GPC5: variants seen among roughly 807,000 people sequenced by gnomAD.
The protein encoded by GPC5 is glypican 5, also known as glypican-5.
In GPC5, 47 loss-of-function variants were observed where a neutral mutation model predicts 53.9. The ratio of observed to expected loss-of-function variants is 0.87; its 90% confidence interval spans 0.69 to 1.11. The LOEUF is 1.11. Among genes scored for constraint, GPC5 ranks in the 50% most tolerant of loss-of-function variants. The pLI, the probability that GPC5 is intolerant of heterozygous loss-of-function variation, is 0.00. For missense variants in GPC5, 748 were observed against 713.1 expected (o/e 1.05, Z -0.56); for synonymous variants, 286 against 263.3 (o/e 1.09, Z -0.84).
intron 3 of GPC5, among the ~76,000 whole-genome samples, chr13:91,706,115 A>G (rs2036098877): frequency 6.6e-6 from 1 of 151,676 alleles, no homozygotes; most frequent in African/African-American, 2.4e-5. Context: ...TCCTGACCTC[A>G]TGATCCGCCC....
intron 6 of GPC5, among the ~76,000 whole-genome samples, chr13:92,132,452 T>A (rs2041752056): frequency 6.6e-6 from 1 of 152,124 alleles, no homozygotes; most frequent in Non-Finnish European, 1.5e-5. Flanking sequence ...TCAAGGTAGT[T>A]TCCTCCAGAA....
intron 7 of GPC5, among the ~76,000 whole-genome samples, chr13:92,454,011 G>A (rs1432896739): frequency 1.3e-5 from 2 of 152,134 alleles, no homozygotes; most frequent in Admixed American, 1.3e-4. Flanking sequence ...TTCAGGGTCA[G>A]GGTCAGAAAT....
chr13:91,726,867 T>C (rs1479654104), intron 3 of GPC5, among the ~76,000 whole-genome samples: 1 of 152,220 alleles, frequency 6.6e-6, no homozygotes, highest in African/African-American at 2.4e-5. Context: ...AGCAGCGCTT[T>C]CCCTGCTTGG....
chr13:92,511,735 CCTT>C (rs1430490036), intron 7 of GPC5, among the ~76,000 whole-genome samples: 1 of 152,122 alleles, frequency 6.6e-6, no homozygotes, highest in East Asian at 1.9e-4. Flanking sequence ...ATAATTTTCT[CCTT>C]CTTCTGATAC....
intron 5 of GPC5, among the ~76,000 whole-genome samples, chr13:91,863,649 C>A (rs1488145172): frequency 2.6e-5 from 4 of 152,152 alleles, no homozygotes; most frequent in Non-Finnish European, 5.9e-5. Context: ...TGATTAAAGT[C>A]CATGCATCCT....
chr13:91,538,767 A>G lies in GPC5; in HGVS notation c.325+89845A>G, dbSNP rs145699088. ...TGGGCTGATTTTTTGTATTTTTAGT[A>G]GAGACCGGGTTTCACCATGTTAGCC... On this transcript the variant is annotated intron_variant, in intron 2 of 7. Transcript: ENST00000377067. Among the ~76,000 whole-genome samples, 1,036 of 151,802 alleles carry G rather than the reference A, an allele frequency of 6.8e-3. 6 individuals carry two copies. Among genetic ancestry groups the G allele is most frequent in the Middle Eastern group, 0.017 (5 of 292 alleles).
intron 6 of GPC5, among the ~76,000 whole-genome samples, chr13:91,985,610 T>A (rs1331723895): frequency 6.6e-6 from 1 of 152,182 alleles, no homozygotes; most frequent in African/African-American, 2.4e-5. Context: ...TTTATTCATT[T>A]TGTAGTTAAA....
At chr13:91,405,129 C>T (rs1877223280) in intron 1 of GPC5, among the ~76,000 whole-genome samples, 3 of 152,198 alleles carry the variant, frequency 2.0e-5, no homozygotes, top group Admixed American at 6.5e-5. Context: ...CTGAGGACAT[C>T]AAAGGCACAT....
intron 7 of GPC5, among the ~76,000 whole-genome samples, chr13:92,199,404 A>C (rs954990987): frequency 6.6e-6 from 1 of 152,220 alleles, no homozygotes; most frequent in Admixed American, 6.5e-5. Flanking sequence ...TAGACTTTTC[A>C]TTTAATTCCA....
chr13:91,570,447 A>T (rs375465327), intron 2 of GPC5, among the ~76,000 whole-genome samples: 1 of 152,172 alleles, frequency 6.6e-6, no homozygotes, highest in Non-Finnish European at 1.5e-5. Flanking sequence ...TTCCCAAAGC[A>T]CTTGTGTTCC....
At chr13:92,442,605 G>A (rs777376452) in intron 7 of GPC5, among the ~76,000 whole-genome samples, 3 of 151,982 alleles carry the variant, frequency 2.0e-5, no homozygotes, top group Non-Finnish European at 2.9e-5. Context: ...AGATAAGAAT[G>A]GTACTAAGAA....
At chr13:92,471,398 C>A (rs949654882) in intron 7 of GPC5, among the ~76,000 whole-genome samples, 1 of 152,054 alleles carries the variant, frequency 6.6e-6, no homozygotes, top group African/African-American at 2.4e-5. Context: ...GTGGCCAATA[C>A]TTTCTGCACA....
intron 7 of GPC5, among the ~76,000 whole-genome samples, chr13:92,616,490 T>C (rs747069534): frequency 6.6e-6 from 1 of 152,184 alleles, no homozygotes; most frequent in Non-Finnish European, 1.5e-5. Flanking sequence ...TACAGCGATT[T>C]ATGAATACTA....
intron 6 of GPC5, among the ~76,000 whole-genome samples, chr13:91,939,992 C>T (rs976544888): frequency 3.3e-5 from 5 of 152,108 alleles, no homozygotes; most frequent in African/African-American, 4.8e-5. Context: ...CCTCACACAT[C>T]GGGTCTATCC....
chr13:92,807,637 G>A (rs547295394), intron 7 of GPC5, among the ~76,000 whole-genome samples: 3 of 152,156 alleles, frequency 2.0e-5, no homozygotes, highest in South Asian at 2.1e-4. Context: ...GACTGGGAAC[G>A]TTGTTTATAG....
intron 7 of GPC5, among the ~76,000 whole-genome samples, chr13:92,178,217 G>A (rs1054785374): frequency 1.3e-5 from 2 of 152,074 alleles, no homozygotes; most frequent in African/African-American, 2.4e-5. Context: ...ATGGCTCTGC[G>A]TTTATTCCAG....
chr13:92,780,427 T>C (rs1875979346), intron 7 of GPC5, among the ~76,000 whole-genome samples: 1 of 151,744 alleles, frequency 6.6e-6, no homozygotes, highest in African/African-American at 2.4e-5. Flanking sequence ...TATATTTCAC[T>C]TAATATAATT....
intron 7 of GPC5, among the ~76,000 whole-genome samples, chr13:92,570,234 G>A (rs1182007527): frequency 8.6e-5 from 13 of 151,950 alleles, no homozygotes; most frequent in Admixed American, 3.3e-4. Flanking sequence ...AGTTAATATC[G>A]GTGTATTTTC....
intron 7 of GPC5, among the ~76,000 whole-genome samples, chr13:92,155,336 A>C (rs1208123625): frequency 1.3e-5 from 2 of 151,946 alleles, no homozygotes; most frequent in Admixed American, 6.6e-5. Context: ...TCTTTCCATT[A>C]TTAGCCACTT....
Sources: allele counts gnomAD v4.1 joint callset (sites outside exome capture counted in the v4.1 genomes callset), GRCh38; gene constraint gnomAD v4.1.1; transcripts MANE v1.5; gene names NCBI Gene and HGNC (gene_info 2026-07-23, HGNC 2026-07-21).